BRCA1: variants seen among roughly 807,000 people sequenced by gnomAD.
The protein encoded by BRCA1 is BRCA1 DNA repair associated.
In BRCA1, 140 loss-of-function variants were observed where a neutral mutation model predicts 173.7. The ratio of observed to expected loss-of-function variants is 0.81; its 90% confidence interval spans 0.70 to 0.93. BRCA1 has a LOEUF of 0.93. BRCA1 is among the 40% of genes least tolerant of loss of function. The pLI, the probability that BRCA1 is intolerant of heterozygous loss-of-function variation, is 0.00. For synonymous variants in BRCA1, 662 were observed against 756.0 expected, an observed-to-expected ratio of 0.88 and a Z score of 2.04; for missense variants, 1,983 against 2,172.5, an observed-to-expected ratio of 0.91 and a Z score of 1.73.
At chr17:43,148,874 T>G in intron 1 of BRCA1, 1 of 167,710 alleles carries the variant, frequency 6.0e-6, no homozygotes, top group East Asian at 1.9e-4. Flanking sequence ...ATTATAAGTC[T>G]CATCTACCTA....
At position 43,093,187 on chromosome 17, in the gene BRCA1, TTTCC is replaced by T. The variant is rs886040026; in HGVS notation, c.2340_2343del (p.Glu781ValfsTer10). The T allele has an allele frequency of 6.2e-7, 1 of 1,613,972 alleles. No individual in the cohort carries two copies. Among genetic ancestry groups the T allele is most frequent in the South Asian group, 1.1e-5 (1 of 91,054 alleles). ...GTGCTAACTTCCAGTAACGAGATAC[TTTCC>T]TGAGTGCCATAATCAGTACCAGGTA... On this transcript the variant is annotated frameshift_variant, in exon 10 of 23. Coordinates refer to ENST00000357654, the MANE Select transcript of BRCA1 (RefSeq NM_007294.4). LOFTEE classifies it high-confidence loss of function.
chr17:43,142,356 C>G (rs2056081428), intron 1 of BRCA1: 1 of 152,304 alleles, frequency 6.6e-6, no homozygotes, highest in African/African-American at 2.4e-5. Flanking sequence ...TGGTGCCCAA[C>G]AAACAGCAGC....
rs1277159752 is a variant in BRCA1, at chr17:43,071,061, T to C, written c.4853A>G (p.His1618Arg). 1 of 1,614,212 alleles carries C rather than the reference T, an allele frequency of 6.2e-7. No individual in the cohort carries two copies. Among genetic ancestry groups the C allele is most frequent in the East Asian group, 2.2e-5 (1 of 44,888 alleles). ...AESAQSPAAA[H>R]TTDTAGYNAM... is the part of the protein sequence containing the mutation. ...ATTATACCCAGCAGTATCAGTAGTA[T>C]GAGCAGCAGCTGGACTCTGGGCAGA... Residue 1618 changes from histidine to arginine, a missense_variant, in exon 15 of 23, where the codon CAT becomes CGT. Physicochemically the swap from His to Arg is conservative, Grantham distance 29 (BLOSUM62 0). Transcript: ENST00000357654.
upstream of BRCA1, among the ~76,000 whole-genome samples, chr17:43,127,777 C>T (rs1250126877): frequency 6.6e-6 from 1 of 152,020 alleles, no homozygotes; most frequent in Non-Finnish European, 1.5e-5. Flanking sequence ...GTAATCCCAG[C>T]AATTTGGGAG....
chr17:43,133,459 C>T (rs1004147030), intron 1 of BRCA1, among the ~76,000 whole-genome samples: 1 of 152,070 alleles, frequency 6.6e-6, no homozygotes, highest in Non-Finnish European at 1.5e-5. Flanking sequence ...CTGCAGTTCT[C>T]CTGTCTGGCT....
In BRCA1 at chr17:43,107,253, C is replaced by T. The variant is rs1318749193; in HGVS notation, c.135-720G>A. 4.6e-5 allele frequency among the ~76,000 whole-genome samples: 7 copies of T among 151,412 alleles called. No homozygotes were observed. The South Asian group carries it at 1.0e-3, about 23-fold the overall frequency. ...CTAATTTTTTTATTTTTAGTAGAGACGGGGTTTCACCATGTTAGCCAGGAT... is the reference window on the plus strand; with the variant it reads ...CTAATTTTTTTATTTTTAGTAGAGATGGGGTTTCACCATGTTAGCCAGGAT... On this transcript the variant is annotated intron_variant, in intron 3 of 22. Coordinates refer to ENST00000357654, the MANE Select transcript of BRCA1 (RefSeq NM_007294.4).
At chr17:43,152,232 CTTTATT>C (rs1469790664) in intron 1 of BRCA1, among the ~76,000 whole-genome samples, 3 of 152,178 alleles carry the variant, frequency 2.0e-5, no homozygotes, top group Non-Finnish European at 4.4e-5. Flanking sequence ...ATATGTCTCT[CTTTATT>C]TTTGGTTATG....
At chr17:43,055,158 T>C (rs2051406459) in intron 19 of BRCA1, among the ~76,000 whole-genome samples, 1 of 152,128 alleles carries the variant, frequency 6.6e-6, no homozygotes, top group Non-Finnish European at 1.5e-5. Context: ...GCCTGACAGG[T>C]AAGTGTGAAA....
chr17:43,145,738 CTTTTT>C (rs199625942), intron 1 of BRCA1, among the ~76,000 whole-genome samples: 5,853 of 151,758 alleles, frequency 0.039, 179 homozygotes, highest in South Asian at 0.08. Flanking sequence ...AGTGTAAATG[CTTTTT>C]TTTAAGAGGT....
chr17:43,163,506 T>C (rs2056249342), intron 1 of BRCA1: 2 of 152,244 alleles, frequency 1.3e-5, no homozygotes, highest in Non-Finnish European at 2.9e-5. Flanking sequence ...TAAATTGATC[T>C]GGTATTCTTC....
At chr17:43,057,245 C>A (rs866724226) in intron 18 of BRCA1, 110 bp from the exon 19 acceptor site, 2 of 1,025,612 alleles carry the variant, frequency 2.0e-6, no homozygotes, top group African/African-American at 3.1e-5. Context: ...CGCAGTGGCT[C>A]ACCCCTGTAA....
intron 1 of BRCA1, among the ~76,000 whole-genome samples, chr17:43,152,505 G>A (rs779955944): frequency 4.6e-5 from 7 of 152,134 alleles, no homozygotes; most frequent in Non-Finnish European, 7.3e-5. Flanking sequence ...TGGATCACGA[G>A]GTCAGGAGTT....
At chr17:43,106,382 C>T in intron 4 of BRCA1, 74 bp downstream of exon 4, 1 of 957,320 alleles carries the variant, frequency 1.0e-6, no homozygotes, top group South Asian at 1.5e-5. Flanking sequence ...TATAGGAACG[C>T]TATGTTATTA....
rs587776481 is a variant in BRCA1 at position 43,093,556 on chromosome 17, G to A, written c.1975C>T (p.Pro659Ser). ...TGTAGGTTTCTGCTGTGCCTGACTG[G>A]CATTTGGTTGTACTTTTTTTTCTTT... ...EIKKKKYNQM[P>S]VRHSRNLQLM... Residue 659 changes from proline (P) to serine (S), a missense_variant, in exon 10 of 23, where the codon CCA becomes TCA. By Grantham distance (74) the Pro-to-Ser change is moderately conservative. Coordinates refer to ENST00000357654, the MANE Select transcript of BRCA1 (RefSeq NM_007294.4). 6.2e-7 allele frequency: 1 copy of A among 1,613,880 alleles called. No homozygotes were observed. The highest frequency in any genetic ancestry group is 1.6e-4 in the Middle Eastern group (1 of 6,062).
chr17:43,115,594 T>G, intron 3 of BRCA1, 132 bp downstream of exon 3: 1 of 847,434 alleles, frequency 1.2e-6, no homozygotes, highest in Non-Finnish European at 1.9e-6. Flanking sequence ...TGAGAAAGAA[T>G]GAAATGGAGT....
In BRCA1 at chr17:43,096,887, G is replaced by A. The variant is rs8176146; in HGVS notation, c.593+357C>T. ...ATAACTAAATCCAACAAACAAAAAG[G>A]GTATTTCCTCCACTATAAAATGAGA... On this transcript the variant is annotated intron_variant, in intron 8 of 22. Coordinates refer to ENST00000357654, the MANE Select transcript of BRCA1 (RefSeq NM_007294.4). Among the ~76,000 whole-genome samples the A allele has an allele frequency of 9.4e-3, 1,430 of 152,008 alleles. 16 individuals carry two copies. The highest frequency in any genetic ancestry group is 0.041 in the Middle Eastern group (12 of 294).
At chr17:43,094,891 A>C in intron 9 of BRCA1, 31 bp from the exon 10 acceptor site, 1 of 1,570,872 alleles carries the variant, frequency 6.4e-7, no homozygotes, top group South Asian at 1.1e-5. Context: ...CAAGGTACTC[A>C]AAAACTGAAT....
At chr17:43,061,575 T>C (rs1327160956) in intron 18 of BRCA1, among the ~76,000 whole-genome samples, 1 of 151,950 alleles carries the variant, frequency 6.6e-6, no homozygotes, top group Non-Finnish European at 1.5e-5. Context: ...CACAATAGTT[T>C]ATAAAATTAC....
chr17:43,114,674 G>A (rs2055183464), intron 3 of BRCA1, among the ~76,000 whole-genome samples: 1 of 151,954 alleles, frequency 6.6e-6, no homozygotes, highest in Non-Finnish European at 1.5e-5. Flanking sequence ...AGGGTAAGAG[G>A]GAAGTATACT....
Sources: allele counts gnomAD v4.1 joint callset (sites outside exome capture counted in the v4.1 genomes callset), GRCh38; gene constraint gnomAD v4.1.1; transcripts MANE v1.5; gene names NCBI Gene and HGNC (gene_info 2026-07-23, HGNC 2026-07-21).